TPST1: variants seen among roughly 807,000 people sequenced by gnomAD.
TPST1 encodes tyrosylprotein sulfotransferase 1.
A neutral mutation model predicts 34.8 loss-of-function variants in TPST1; 20 were observed. The ratio of observed to expected loss-of-function variants is 0.57; its 90% CI spans 0.40 to 0.84. The LOEUF (loss-of-function observed/expected upper bound fraction) is 0.84. Among genes scored for constraint, TPST1 ranks in the 40% least tolerant of loss-of-function variants. TPST1 has a pLI of 0.00. For missense variants in TPST1, 353 were observed against 455.5 expected (o/e 0.78, Z 2.05); for synonymous variants, 152 against 159.4 (o/e 0.95, Z 0.35).
chr7:66,285,545 G>A (rs926512587), intron 2 of TPST1, among the ~76,000 whole-genome samples: 2 of 152,114 alleles, frequency 1.3e-5, no homozygotes, highest in African/African-American at 2.4e-5. Context: ...ATCCCCTTTA[G>A]GAGACTCCTC....
intron 3 of TPST1, among the ~76,000 whole-genome samples, chr7:66,345,885 T>G (rs1792341758): frequency 6.6e-6 from 1 of 152,136 alleles, no homozygotes; most frequent in Non-Finnish European, 1.5e-5. Context: ...TTGACTGTAG[T>G]CGCCGTGTTG....
At position 66,352,560 on chromosome 7, in the gene TPST1, T is replaced by C; in HGVS notation, c.1095+5T>C. On this transcript the variant is annotated splice_donor_5th_base_variant and intron_variant, in intron 4 of 5. Coordinates refer to ENST00000304842, the MANE Select transcript of TPST1 (RefSeq NM_003596.4). The stretch of plus-strand genomic sequence containing the variant: ...TTTCTTAAAGAAAAACCACAGGTAC[T>C]GTGTCTGCTTTTTCCTCCTGATGTA... 6.2e-7 allele frequency: 1 copy of C among 1,613,022 alleles called. No homozygotes were observed. Among genetic ancestry groups the C allele is most frequent in the East Asian group, 2.2e-5 (1 of 44,870 alleles).
intron 2 of TPST1, among the ~76,000 whole-genome samples, chr7:66,269,768 G>A (rs1790668081): frequency 6.6e-6 from 1 of 152,106 alleles, no homozygotes; most frequent in African/African-American, 2.4e-5. Context: ...AAGAAATAAA[G>A]CAGGGAATAG....
intron 1 of TPST1, among the ~76,000 whole-genome samples, chr7:66,236,298 C>T (rs1219476744): frequency 1.3e-5 from 2 of 151,932 alleles, no homozygotes; most frequent in Non-Finnish European, 2.9e-5. Flanking sequence ...GTTCAGTCAC[C>T]GCAAAAAGTT....
chr7:66,334,717 T>G (rs537964908), intron 3 of TPST1, among the ~76,000 whole-genome samples: 3 of 151,686 alleles, frequency 2.0e-5, no homozygotes, highest in Non-Finnish European at 4.4e-5. Flanking sequence ...AGAAACCTCC[T>G]GGGCCAACAA....
chr7:66,277,813 T>C (rs893044903), intron 2 of TPST1, among the ~76,000 whole-genome samples: 3 of 151,872 alleles, frequency 2.0e-5, no homozygotes, highest in Admixed American at 1.3e-4. Context: ...GAATAGACCA[T>C]AGAAATGTAG....
chr7:66,324,306 A>G (rs1441161758), intron 3 of TPST1, among the ~76,000 whole-genome samples: 2 of 152,158 alleles, frequency 1.3e-5, no homozygotes, highest in African/African-American at 4.8e-5. Flanking sequence ...ATACATTATG[A>G]CTAGAAGGAG....
intron 3 of TPST1, among the ~76,000 whole-genome samples, chr7:66,303,661 T>G (rs558377349): frequency 1.3e-5 from 2 of 152,248 alleles, no homozygotes; most frequent in Non-Finnish European, 1.5e-5. Flanking sequence ...CTGCTCACCT[T>G]GGCCTCTCAA....
chr7:66,218,530 A>T (rs1355788085), intron 1 of TPST1, among the ~76,000 whole-genome samples: 4 of 152,174 alleles, frequency 2.6e-5, no homozygotes, highest in Non-Finnish European at 5.9e-5. Context: ...AGACAATGAA[A>T]GTTCAGTTTT....
chr7:66,325,191 C>A (rs891665240), intron 3 of TPST1, among the ~76,000 whole-genome samples: 2 of 152,022 alleles, frequency 1.3e-5, no homozygotes, highest in Admixed American at 1.3e-4. Context: ...ATGAAGAGCC[C>A]CATATAAAAC....
intron 2 of TPST1, among the ~76,000 whole-genome samples, chr7:66,281,511 T>C (rs891273255): frequency 6.6e-6 from 1 of 152,188 alleles, no homozygotes; most frequent in Non-Finnish European, 1.5e-5. Flanking sequence ...TAGGAACTCA[T>C]TATTGGTCTG....
chr7:66,253,082 C>T (rs934169112), intron 2 of TPST1, among the ~76,000 whole-genome samples: 6 of 152,150 alleles, frequency 3.9e-5, no homozygotes, highest in African/African-American at 1.4e-4. Context: ...ACAACTTGAG[C>T]TTGCCATGTG....
chr7:66,247,216 G>T (rs986211806), intron 2 of TPST1, among the ~76,000 whole-genome samples: 5 of 152,098 alleles, frequency 3.3e-5, no homozygotes. Context: ...TCACCTGAGG[G>T]CAGTAGTTCA....
chr7:66,310,689 T>G (rs1791512064), intron 3 of TPST1, among the ~76,000 whole-genome samples: 1 of 152,154 alleles, frequency 6.6e-6, no homozygotes, highest in South Asian at 2.1e-4. Flanking sequence ...ATTACTTGAA[T>G]TGGGTTTCTG....
At chr7:66,278,228 G>T (rs1790859497) in intron 2 of TPST1, among the ~76,000 whole-genome samples, 1 of 151,564 alleles carries the variant, frequency 6.6e-6, no homozygotes, top group Admixed American at 6.6e-5. Flanking sequence ...AGGTATAGTT[G>T]ATAAGATTTC....
intron 3 of TPST1, among the ~76,000 whole-genome samples, chr7:66,352,263 C>T (rs1434165307): frequency 3.3e-5 from 5 of 152,156 alleles, no homozygotes; most frequent in Admixed American, 1.3e-4. Flanking sequence ...TACCCTGAGC[C>T]CTCTCCTAGC....
chr7:66,222,221 A>T (rs1007490541), intron 1 of TPST1, among the ~76,000 whole-genome samples: 2 of 152,096 alleles, frequency 1.3e-5, no homozygotes, highest in Admixed American at 1.3e-4. Context: ...GTTATTAAAA[A>T]ATACAAAAAA....
At chr7:66,295,345 G>A (rs1248305330) in intron 3 of TPST1, among the ~76,000 whole-genome samples, 1 of 152,010 alleles carries the variant, frequency 6.6e-6, no homozygotes, top group Non-Finnish European at 1.5e-5. Flanking sequence ...AAATACAAAA[G>A]TTAGCCAGGT....
At chr7:66,226,971 G>A (rs1417414185) in intron 1 of TPST1, among the ~76,000 whole-genome samples, 4 of 144,544 alleles carry the variant, frequency 2.8e-5, no homozygotes, top group South Asian at 4.5e-4. Flanking sequence ...GACAGAAGCA[G>A]TGGAAAAACA....
Sources: gnomAD v4.1 joint callset for allele counts (sites outside exome capture counted in the v4.1 genomes callset) on GRCh38, gnomAD v4.1.1 for gene constraint, MANE v1.5 for transcripts, NCBI Gene and HGNC (gene_info 2026-07-23, HGNC 2026-07-21) for gene names.